Variants in CCDC171 observed in about 807,000 individuals in gnomAD.
The protein encoded by CCDC171 is coiled-coil domain containing 171.
In CCDC171, 177 loss-of-function variants were observed where a neutral mutation model predicts 168.2. That is an observed-to-expected ratio of 1.05 (90% confidence interval 0.93 to 1.19). The LOEUF is 1.19. Ranked by LOEUF, CCDC171 falls within the 50% of genes most tolerant of loss-of-function variation. The pLI, the probability that CCDC171 is intolerant of heterozygous loss-of-function variation, is 0.00. For synonymous variants in CCDC171, 687 were observed against 540.8 expected (o/e 1.27, Z -3.75); for missense variants, 1,991 against 1,539.0 (o/e 1.29, Z -4.91).
At chr9:15,609,751 C>G (rs566483986) in intron 6 of CCDC171, among the ~76,000 whole-genome samples, 1 of 152,202 alleles carries the variant, frequency 6.6e-6, no homozygotes, top group Admixed American at 6.5e-5. Context: ...GTCTTGATAT[C>G]TGGTAGAGAA....
At chr9:15,731,400 C>T (rs11792770) in intron 16 of CCDC171, among the ~76,000 whole-genome samples, 12,499 of 152,188 alleles carry the variant, frequency 0.082, 680 homozygotes, top group Non-Finnish European at 0.12. Context: ...GTTCTGATGC[C>T]TGTCATGTAG....
At chr9:16,070,541 G>A in the CCDC171 span, among the ~76,000 whole-genome samples, 1 of 152,138 alleles carries the variant, frequency 6.6e-6, no homozygotes. Flanking sequence ...CTGGAGAAGG[G>A]GTTGAGGGGC....
chr9:15,591,456 T>C lies in CCDC171; in HGVS notation c.443T>C (p.Phe148Ser). ...AAATGGAAAGAAGAATGCAGAAGAT[T>C]TGAACATGATTTGGAGGAAAGAGAC... is the stretch of plus-strand genomic sequence containing the variant. Reference protein sequence around the residue: ...QQKWKEECRRFEHDLEERDNM... With the variant: ...QQKWKEECRRSEHDLEERDNM... Residue 148 changes from phenylalanine to serine, a missense_variant, in exon 5 of 26, where the codon TTT (phenylalanine) becomes TCT (serine). Phe to Ser is a radical substitution (Grantham distance 155). Transcript: ENST00000380701. The C allele has an allele frequency of 6.2e-7, 1 of 1,608,408 alleles. No homozygotes were observed. Among genetic ancestry groups the C allele is most frequent in the Non-Finnish European group, 8.5e-7 (1 of 1,176,738 alleles).
At chr9:15,975,910 C>T (rs987021114), downstream of CCDC171, among the ~76,000 whole-genome samples, 1 of 152,042 alleles carries the variant, frequency 6.6e-6, no homozygotes, top group Non-Finnish European at 1.5e-5. Flanking sequence ...CCTGGATTAG[C>T]TGGGTGTGCT....
chr9:15,706,237 C>CTTCT (rs71325930), intron 11 of CCDC171, among the ~76,000 whole-genome samples: 1 of 149,466 alleles, frequency 6.7e-6, no homozygotes, highest in Non-Finnish European at 1.5e-5. Flanking sequence ...TCCTTCCTTC[C>CTTCT]TTCCTTGCTT....
At chr9:15,778,313 CAAAAAAAAAAAAAAAAAAAAAA>C (rs71325933) in intron 19 of CCDC171, among the ~76,000 whole-genome samples, 8 of 38,102 alleles carry the variant, frequency 2.1e-4, no homozygotes, top group South Asian at 1.6e-3. Context: ...GACTCCGTCT[CAAAAAAAAAAAAAAAAAAAAAA>C]AAAAAAAAAA....
chr9:15,819,497 C>T lies in CCDC171; in HGVS notation c.3268-27205C>T, dbSNP rs1252985216. ...TCAAAATAAAGGGATGGAGGAAGAT[C>T]TACCAAGCAAATGGAAAACAAAAAT... On this transcript the variant is annotated intron_variant, in intron 21 of 25. Transcript: ENST00000380701. 1.5e-4 allele frequency among the ~76,000 whole-genome samples: 17 copies of T among 117,044 alleles called. 5 individuals are homozygous for T. Among genetic ancestry groups the T allele is most frequent in the Middle Eastern group, 8.9e-3 (2 of 224 alleles). 76.8% of individuals were successfully genotyped at this position (117,044 alleles called of 152,430 possible). A position where few individuals can be genotyped will look rare whatever the true frequency, so the allele number is the denominator to read the frequency against.
chr9:15,785,831 A>G (rs944092286), intron 21 of CCDC171, among the ~76,000 whole-genome samples: 3 of 152,084 alleles, frequency 2.0e-5, no homozygotes, highest in African/African-American at 7.2e-5. Context: ...TACTGTCTCT[A>G]CATGAATTAC....
chr9:16,074,484 G>C, the CCDC171 span, among the ~76,000 whole-genome samples: 2 of 152,040 alleles, frequency 1.3e-5, no homozygotes, highest in African/African-American at 4.8e-5. Context: ...CTGTGCCACT[G>C]AGTACTAGAA....
chr9:15,745,675 C>A, intron 18 of CCDC171, 44 bp downstream of exon 18: 1 of 1,132,358 alleles, frequency 8.8e-7, no homozygotes, highest in Non-Finnish European at 1.3e-6. Context: ...CATTTAAGAA[C>A]AAATATCCAG....
At chr9:15,754,524 C>G (rs1056935885) in intron 18 of CCDC171, among the ~76,000 whole-genome samples, 2 of 152,032 alleles carry the variant, frequency 1.3e-5, no homozygotes, top group Non-Finnish European at 2.9e-5. Flanking sequence ...AGCACACATG[C>G]GCATACACAC....
chr9:16,046,105 G>A (rs916730065), intron 1 of CCDC171, among the ~76,000 whole-genome samples: 2 of 152,184 alleles, frequency 1.3e-5, no homozygotes, highest in Non-Finnish European at 2.9e-5. Context: ...GTCCAGATTT[G>A]AATTCAGCTC....
intron 3 of CCDC171, among the ~76,000 whole-genome samples, chr9:16,014,146 A>G (rs2132997450): frequency 6.6e-6 from 1 of 152,364 alleles, no homozygotes; most frequent in East Asian, 1.9e-4. Flanking sequence ...GCTTTAGCAA[A>G]TTAAGTTTAT....
chr9:15,627,360 C>T lies in CCDC171; in HGVS notation c.822+3947C>T, dbSNP rs151080911. On this transcript the variant is annotated intron_variant, in intron 7 of 25. Transcript: ENST00000380701. ...TTAATTTTTTCTTGCCTTCTGCTAG[C>T]TTTTGTATGTGTTTGCTCTTGCTTC... is the stretch of plus-strand genomic sequence containing the variant. 3.3e-5 allele frequency among the ~76,000 whole-genome samples: 5 copies of T among 151,962 alleles called. No homozygotes were observed. In the East Asian group the frequency reaches 9.6e-4, roughly 29 times the overall value.
chr9:15,887,153 A>G (rs979390340), intron 24 of CCDC171, among the ~76,000 whole-genome samples: 4 of 152,144 alleles, frequency 2.6e-5, no homozygotes, highest in African/African-American at 9.7e-5. Context: ...GTGAGGTGAT[A>G]GATATGTTAA....
At chr9:15,561,762 A>G (rs531078225) in intron 1 of CCDC171, among the ~76,000 whole-genome samples, 32 of 152,116 alleles carry the variant, frequency 2.1e-4, no homozygotes, top group Non-Finnish European at 3.4e-4. Context: ...TAAAACACAC[A>G]GAGAAGTAAA....
intron 21 of CCDC171, among the ~76,000 whole-genome samples, chr9:15,826,105 T>C (rs955074362): frequency 4.6e-5 from 7 of 152,084 alleles, no homozygotes; most frequent in Non-Finnish European, 7.4e-5. Context: ...ACTCTTTGTA[T>C]TGAAATGCTT....
intron 7 of CCDC171, among the ~76,000 whole-genome samples, chr9:15,642,332 CGTGT>C (rs1220559854): frequency 8.6e-5 from 6 of 69,386 alleles, no homozygotes; most frequent in African/African-American, 2.8e-4. Flanking sequence ...TATATATACA[CGTGT>C]GTGTGTGTAT....
chr9:15,861,903 A>G (rs1369888868), intron 23 of CCDC171, among the ~76,000 whole-genome samples: 3 of 151,956 alleles, frequency 2.0e-5, no homozygotes, highest in African/African-American at 7.2e-5. Flanking sequence ...AACTGCCTTT[A>G]GCGCTCCTTG....
Sources: gnomAD v4.1 joint callset for allele counts (sites outside exome capture counted in the v4.1 genomes callset) on GRCh38, gnomAD v4.1.1 for gene constraint, MANE v1.5 for transcripts, NCBI Gene and HGNC (gene_info 2026-07-23, HGNC 2026-07-21) for gene names.